The following CTNND2 variants were observed in gnomAD, a reference collection of about 807,000 sequenced individuals.
The protein encoded by CTNND2 is catenin delta 2, also known as catenin delta-2.
A neutral mutation model predicts 144.4 loss-of-function variants in CTNND2; 22 were observed. That is an observed-to-expected ratio of 0.15 (90% CI 0.11 to 0.22). CTNND2 has a LOEUF of 0.22. Among genes scored for constraint, CTNND2 ranks in the 10% least tolerant of loss-of-function variants. CTNND2 has a pLI of 1.00. For synonymous variants in CTNND2, 751 were observed against 695.6 expected (o/e 1.08, Z -1.25); for missense variants, 1,353 against 1,618.8 (o/e 0.84, Z 2.82).
chr5:11,817,564 T>C (rs886151919), intron 1 of CTNND2, among the ~76,000 whole-genome samples: 1 of 149,084 alleles, frequency 6.7e-6, no homozygotes, highest in Non-Finnish European at 1.5e-5. Flanking sequence ...AGAAAGGTAG[T>C]GAAGGGGGGA....
At chr5:11,344,822 A>T (rs1754609081) in intron 9 of CTNND2, among the ~76,000 whole-genome samples, 3 of 152,230 alleles carry the variant, frequency 2.0e-5, no homozygotes, top group Non-Finnish European at 4.4e-5. Context: ...TGTAAAAATG[A>T]CAGTAACATA....
At chr5:11,203,749 G>A (rs1043405675) in intron 10 of CTNND2, among the ~76,000 whole-genome samples, 1 of 152,144 alleles carries the variant, frequency 6.6e-6, no homozygotes, top group African/African-American at 2.4e-5. Context: ...TCAATAAAAT[G>A]CTAGTTAATG....
chr5:11,716,835 C>T (rs763018304), intron 2 of CTNND2, among the ~76,000 whole-genome samples: 5 of 151,592 alleles, frequency 3.3e-5, no homozygotes, highest in Non-Finnish European at 7.4e-5. Context: ...TACAGGTGTC[C>T]ATCATCATGC....
intron 12 of CTNND2, among the ~76,000 whole-genome samples, chr5:11,129,176 T>TAATATATATAATATATA (rs376665965): frequency 1.6e-4 from 4 of 24,614 alleles, no homozygotes; most frequent in Non-Finnish European, 3.4e-4. Context: ...ATATTATATA[T>TAATATATATAATATATA]TTTATATATA....
intron 7 of CTNND2, among the ~76,000 whole-genome samples, chr5:11,365,456 A>T (rs1756887733): frequency 6.6e-6 from 1 of 152,150 alleles, no homozygotes; most frequent in Non-Finnish European, 1.5e-5. Context: ...TTCAAGTTAT[A>T]TTTTCCTTTA....
chr5:11,246,830 A>G (rs1743055185), intron 9 of CTNND2, among the ~76,000 whole-genome samples: 1 of 152,072 alleles, frequency 6.6e-6, no homozygotes, highest in Non-Finnish European at 1.5e-5. Context: ...AGGAAAACGG[A>G]AGTAACAAGC....
rs1735958400 is a variant in CTNND2, at chr5:10,972,676, G to A, written c.*777C>T. ...TTGTTGACAAGGAGTGTGGAATGAT[G>A]TATGTTAATTGTCAGAAACTGCTGA... is the stretch of plus-strand genomic sequence containing the variant. On this transcript the variant is annotated 3_prime_UTR_variant, in exon 22 of 22. Coordinates refer to ENST00000304623, the MANE Select transcript of CTNND2 (RefSeq NM_001332.4). 1 of 152,596 alleles carries A rather than the reference G, an allele frequency of 6.6e-6. No homozygotes were observed. The highest frequency in any genetic ancestry group is 2.4e-5 in the African/African-American group (1 of 41,444). The allele number at this position is 152,596 out of a possible 1,614,324, so 9.5% of individuals were successfully genotyped here.
At chr5:11,462,527 T>C (rs1373144229) in intron 3 of CTNND2, among the ~76,000 whole-genome samples, 1 of 151,478 alleles carries the variant, frequency 6.6e-6, no homozygotes, top group Non-Finnish European at 1.5e-5. Flanking sequence ...ATTATGGGTA[T>C]GTCTATAGAA....
At chr5:11,852,744 TAA>T (rs1795075164) in intron 1 of CTNND2, among the ~76,000 whole-genome samples, 1 of 152,180 alleles carries the variant, frequency 6.6e-6, no homozygotes, top group South Asian at 2.1e-4. Flanking sequence ...AGAAGAAATG[TAA>T]TAGAGCAACA....
intron 9 of CTNND2, among the ~76,000 whole-genome samples, chr5:11,340,337 G>A (rs1344701505): frequency 2.0e-5 from 3 of 152,078 alleles, no homozygotes; most frequent in African/African-American, 7.2e-5. Flanking sequence ...CTGTTTTCAG[G>A]CTCTTAGATC....
intron 8 of CTNND2, 130 bp from the exon 9 acceptor site, chr5:11,346,757 T>A: frequency 1.2e-6 from 1 of 845,262 alleles, no homozygotes; most frequent in Non-Finnish European, 1.7e-6. Context: ...TAAAAAAAAT[T>A]AATCCATCAT....
chr5:11,389,026 T>C (rs1759369123), intron 6 of CTNND2, among the ~76,000 whole-genome samples: 2 of 152,228 alleles, frequency 1.3e-5, no homozygotes, highest in African/African-American at 4.8e-5. Flanking sequence ...TTTTTATTGA[T>C]GTGTGACTCT....
At chr5:11,162,513 T>A (rs1165220127) in intron 11 of CTNND2, among the ~76,000 whole-genome samples, 4 of 152,200 alleles carry the variant, frequency 2.6e-5, no homozygotes, top group African/African-American at 9.6e-5. Context: ...TGTCTCCATC[T>A]GCGAGTCACA....
intron 9 of CTNND2, among the ~76,000 whole-genome samples, chr5:11,334,354 GT>G (rs1753522824): frequency 6.6e-6 from 1 of 152,102 alleles, no homozygotes; most frequent in South Asian, 2.1e-4. Flanking sequence ...GTATCTTAAG[GT>G]AATTTTACAT....
At chr5:11,080,807 G>A (rs944261866) in intron 16 of CTNND2, among the ~76,000 whole-genome samples, 7 of 152,180 alleles carry the variant, frequency 4.6e-5, no homozygotes, top group African/African-American at 1.7e-4. Flanking sequence ...GGGTGCCGAT[G>A]GCTCATGCCT....
At chr5:11,611,652 C>T (rs1244636736) in intron 2 of CTNND2, among the ~76,000 whole-genome samples, 1 of 152,080 alleles carries the variant, frequency 6.6e-6, no homozygotes, top group Non-Finnish European at 1.5e-5. Context: ...GTGGCATGTG[C>T]TTATAATCTC....
intron 2 of CTNND2, among the ~76,000 whole-genome samples, chr5:11,676,005 C>T (rs531451020): frequency 1.4e-3 from 218 of 151,938 alleles, no homozygotes; most frequent in African/African-American, 5.2e-3. Flanking sequence ...GGACAGACTG[C>T]CTCCTCAAGT....
intron 16 of CTNND2, among the ~76,000 whole-genome samples, chr5:11,048,765 G>GA (rs1000571780): frequency 2.0e-5 from 3 of 152,226 alleles, no homozygotes; most frequent in Non-Finnish European, 4.4e-5. Context: ...TATGCCTACT[G>GA]AAAAAGATTG....
chr5:11,868,079 T>C (rs1365821139), intron 1 of CTNND2, among the ~76,000 whole-genome samples: 1 of 151,798 alleles, frequency 6.6e-6, no homozygotes, highest in Non-Finnish European at 1.5e-5. Context: ...ACACTTACCA[T>C]TATGTGTGAC....
Sources: gnomAD v4.1 joint callset for allele counts (sites outside exome capture counted in the v4.1 genomes callset) on GRCh38, gnomAD v4.1.1 for gene constraint, MANE v1.5 for transcripts, NCBI Gene and HGNC (gene_info 2026-07-23, HGNC 2026-07-21) for gene names.